Variants in RIT2 observed in about 807,000 individuals in gnomAD.
RIT2 encodes the protein Ras like without CAAX 2.
A neutral mutation model predicts 23.7 loss-of-function variants in RIT2; 24 were observed. The observed-to-expected ratio is 1.01, with a 90% confidence interval of 0.73 to 1.43. The LOEUF (loss-of-function observed/expected upper bound fraction) is 1.43. RIT2 is among the 40% of genes most tolerant of loss of function. The probability of loss-of-function intolerance (pLI) is 0.00; values close to 1 mark genes in which losing one functional copy is unlikely to be tolerated. For missense variants in RIT2, 236 were observed against 266.9 expected, an observed-to-expected ratio of 0.88 and a Z score of 0.81; for synonymous variants, 107 against 91.1, an observed-to-expected ratio of 1.17 and a Z score of -0.99.
intron 3 of RIT2, among the ~76,000 whole-genome samples, chr18:42,956,079 G>A (rs1466204529): frequency 1.3e-5 from 2 of 152,134 alleles, no homozygotes; most frequent in African/African-American, 2.4e-5. Context: ...GACTACAAAA[G>A]GAACCCTCTT....
At chr18:42,944,607 T>C (rs1476005676) in intron 3 of RIT2, among the ~76,000 whole-genome samples, 2 of 152,154 alleles carry the variant, frequency 1.3e-5, no homozygotes, top group African/African-American at 4.8e-5. Context: ...GCCAGGACTA[T>C]GAATTTTTAT....
At chr18:42,874,593 C>T (rs1907698853) in intron 4 of RIT2, among the ~76,000 whole-genome samples, 1 of 152,094 alleles carries the variant, frequency 6.6e-6, no homozygotes, top group African/African-American at 2.4e-5. Context: ...AAGGACCTTT[C>T]TTGTGTTTCC....
intron 1 of RIT2, among the ~76,000 whole-genome samples, chr18:43,095,094 G>A (rs1913520626): frequency 6.6e-6 from 1 of 152,048 alleles, no homozygotes; most frequent in Non-Finnish European, 1.5e-5. Context: ...GGATGGCTGG[G>A]TCAAATGGTA....
chr18:42,920,815 C>G (rs775252199), intron 4 of RIT2: 51 of 1,119,960 alleles, frequency 4.6e-5, no homozygotes, highest in Non-Finnish European at 6.6e-5. Context: ...CCTCTCACCA[C>G]TAAACAATAG....
chr18:43,107,921 T>C (rs970229552), intron 1 of RIT2, among the ~76,000 whole-genome samples: 14 of 151,442 alleles, frequency 9.2e-5, no homozygotes, highest in African/African-American at 3.2e-4. Context: ...CCCAGCCCTT[T>C]GGAAGTCCGA....
intron 4 of RIT2, among the ~76,000 whole-genome samples, chr18:42,757,134 A>G (rs983194349): frequency 6.6e-6 from 1 of 152,176 alleles, no homozygotes; most frequent in Non-Finnish European, 1.5e-5. Context: ...AGAGTAACCA[A>G]CCAATTACTA....
chr18:42,807,358 T>A (rs2143970224), intron 4 of RIT2, among the ~76,000 whole-genome samples: 1 of 152,344 alleles, frequency 6.6e-6, no homozygotes, highest in South Asian at 2.1e-4. Context: ...GGCTCATTCC[T>A]GTAATTCCAG....
At chr18:43,067,250 C>A (rs887507802) in intron 1 of RIT2, among the ~76,000 whole-genome samples, 3 of 151,964 alleles carry the variant, frequency 2.0e-5, no homozygotes, top group African/African-American at 7.3e-5. Context: ...ATTATATTTC[C>A]AGCTTATTGG....
At chr18:43,055,927 A>G (rs1598764240) in intron 1 of RIT2, among the ~76,000 whole-genome samples, 2 of 152,248 alleles carry the variant, frequency 1.3e-5, no homozygotes, top group East Asian at 3.9e-4. Flanking sequence ...CTTTAAGGTT[A>G]CGGGTTAGCA....
intron 4 of RIT2, among the ~76,000 whole-genome samples, chr18:42,806,259 A>C (rs987201656): frequency 6.6e-6 from 1 of 151,810 alleles, no homozygotes; most frequent in Non-Finnish European, 1.5e-5. Flanking sequence ...ACTTGAGGTC[A>C]AGAGTTCGAG....
chr18:42,814,770 C>G (rs1568003190), intron 4 of RIT2, among the ~76,000 whole-genome samples: 1 of 152,180 alleles, frequency 6.6e-6, no homozygotes, highest in Non-Finnish European at 1.5e-5. Context: ...CAGAACAAAA[C>G]TAGTTCATTA....
chr18:42,746,621 T>A (rs947841439), intron 4 of RIT2, among the ~76,000 whole-genome samples: 1 of 151,910 alleles, frequency 6.6e-6, no homozygotes, highest in African/African-American at 2.4e-5. Context: ...AATCCAAAAG[T>A]TTAGTGAGAT....
At chr18:43,017,290 T>C (rs1035571826) in intron 2 of RIT2, among the ~76,000 whole-genome samples, 9 of 152,006 alleles carry the variant, frequency 5.9e-5, no homozygotes, top group African/African-American at 2.2e-4. Context: ...AGTCAATATG[T>C]AGGTCATGTC....
At chr18:42,920,885 T>C in intron 4 of RIT2, 1 of 681,048 alleles carries the variant, frequency 1.5e-6, no homozygotes, top group East Asian at 2.7e-5. Flanking sequence ...TCTCAGAGAA[T>C]TCTTTTGAGC....
At chr18:42,931,385 G>A (rs1393949786) in intron 3 of RIT2, among the ~76,000 whole-genome samples, 1 of 152,034 alleles carries the variant, frequency 6.6e-6, no homozygotes, top group East Asian at 1.9e-4. Flanking sequence ...TTTTAGATAA[G>A]CCTATATCCC....
At chr18:42,980,047 G>T (rs1484193494) in intron 2 of RIT2, among the ~76,000 whole-genome samples, 1 of 152,106 alleles carries the variant, frequency 6.6e-6, no homozygotes, top group Non-Finnish European at 1.5e-5. Context: ...AAAAGAAGTT[G>T]CATGAGATCT....
intron 2 of RIT2, among the ~76,000 whole-genome samples, chr18:43,011,061 G>T (rs1911339510): frequency 6.6e-6 from 1 of 151,732 alleles, no homozygotes; most frequent in Non-Finnish European, 1.5e-5. Context: ...TTTTATAAAG[G>T]TAATATAATA....
chr18:42,941,317 T>C lies in RIT2; in HGVS notation c.235-17554A>G, dbSNP rs76506743. Among the ~76,000 whole-genome samples the C allele has an allele frequency of 7.2e-3, 1,090 of 152,210 alleles. 8 individuals carry two copies. The highest frequency in any genetic ancestry group is 0.025 in the African/African-American group (1,021 of 41,536). ...TGATTTGAGGAACACTAAAAGCTAT[T>C]CCCTTGCCTAGAAGTACTTTCCCTG... On this transcript the variant is annotated intron_variant, in intron 3 of 4. Coordinates refer to ENST00000326695, the MANE Select transcript of RIT2 (RefSeq NM_002930.4).
intron 2 of RIT2, among the ~76,000 whole-genome samples, chr18:43,010,319 G>C (rs979514122): frequency 1.3e-5 from 2 of 151,788 alleles, no homozygotes; most frequent in African/African-American, 4.8e-5. Flanking sequence ...TGAAGAAACT[G>C]AAGACTTAGG....
Sources: allele counts gnomAD v4.1 joint callset (sites outside exome capture counted in the v4.1 genomes callset), GRCh38; gene constraint gnomAD v4.1.1; transcripts MANE v1.5; gene names NCBI Gene and HGNC (gene_info 2026-07-23, HGNC 2026-07-21).